The following ANAPC10 variants were observed in gnomAD, a reference collection of about 807,000 sequenced individuals.
The protein encoded by ANAPC10 is anaphase promoting complex subunit 10.
Under a neutral mutation model 22.0 loss-of-function variants are expected in ANAPC10, and 12 were observed. That is an observed-to-expected ratio of 0.55 (90% CI 0.35 to 0.88). The LOEUF (loss-of-function observed/expected upper bound fraction) is 0.88, where lower values mean the gene tolerates loss of function less well. ANAPC10 is among the 40% of genes least tolerant of loss of function. The pLI, the probability that ANAPC10 is intolerant of heterozygous loss-of-function variation, is 0.01. For missense variants in ANAPC10, 188 were observed against 220.9 expected (o/e 0.85, Z 0.94); for synonymous variants, 65 against 69.5 (o/e 0.94, Z 0.32).
In ANAPC10 at chr4:145,096,078, G is replaced by T. The variant is rs760042262; in HGVS notation, c.22C>A (p.Pro8Thr). ...AACTGCTTGGGGTCAGCACCAGGAG[G>T]TGTCTTGTTTGGTGTAGTCATTTTT... Reference protein sequence around the residue: MTTPNKTPPGADPKQLER... With the variant: MTTPNKTTPGADPKQLER... The change falls in exon 2 of 5, where the codon CCT (proline) becomes ACT (threonine). Residue 8 changes from proline to threonine, a missense_variant. Coordinates refer to ENST00000507656, the MANE Select transcript of ANAPC10 (RefSeq NM_001256706.2). 6.2e-7 allele frequency: 1 copy of T among 1,614,140 alleles called. No individual in the cohort carries two copies. Among genetic ancestry groups the T allele is most frequent in the South Asian group, 1.1e-5 (1 of 91,088 alleles).
In ANAPC10 at chr4:145,028,654, A is replaced by T. The variant is rs139379749; in HGVS notation, c.328-33051T>A. 4.4e-3 allele frequency among the ~76,000 whole-genome samples: 668 copies of T among 152,306 alleles called. 3 individuals carry two copies. Among genetic ancestry groups the T allele is most frequent in the African/African-American group, 0.015 (614 of 41,566 alleles). On this transcript the variant is annotated intron_variant, in intron 4 of 4. Coordinates refer to ENST00000507656, the MANE Select transcript of ANAPC10 (RefSeq NM_001256706.2). ...CCAAAACTGCTAAGGACTCTACTTCAAATAGTATGGAAAATACTGATAGTC... is the reference window on the plus strand; with the variant it reads ...CCAAAACTGCTAAGGACTCTACTTCTAATAGTATGGAAAATACTGATAGTC...
chr4:145,050,465 T>C (rs1161564783), intron 4 of ANAPC10, among the ~76,000 whole-genome samples: 2 of 152,228 alleles, frequency 1.3e-5, no homozygotes, highest in Non-Finnish European at 2.9e-5. Flanking sequence ...TTGAAGTCAC[T>C]AGCTGCATCA....
intron 4 of ANAPC10, among the ~76,000 whole-genome samples, chr4:145,032,512 C>T (rs1259858849): frequency 6.6e-6 from 1 of 152,188 alleles, no homozygotes; most frequent in East Asian, 1.9e-4. Flanking sequence ...AACAAGTGAC[C>T]TCAGCAAAGA....
At chr4:145,018,828 C>T (rs1735590796) in intron 4 of ANAPC10, among the ~76,000 whole-genome samples, 1 of 152,010 alleles carries the variant, frequency 6.6e-6, no homozygotes, top group Non-Finnish European at 1.5e-5. Context: ...AACGTTAAAG[C>T]AATGGCAGTT....
At chr4:145,003,750 C>T (rs1358347448) in intron 4 of ANAPC10, among the ~76,000 whole-genome samples, 1 of 151,890 alleles carries the variant, frequency 6.6e-6, no homozygotes, top group African/African-American at 2.4e-5. Flanking sequence ...TAGCCTTATA[C>T]TACAGTTTCA....
chr4:145,066,366 A>T (rs1182150608), intron 3 of ANAPC10, among the ~76,000 whole-genome samples: 1 of 152,156 alleles, frequency 6.6e-6, no homozygotes, highest in East Asian at 1.9e-4. Context: ...CAGGAGAGGA[A>T]GCAAAGAAGG....
At chr4:145,020,796 T>C (rs1286640831) in intron 4 of ANAPC10, among the ~76,000 whole-genome samples, 1 of 149,258 alleles carries the variant, frequency 6.7e-6, no homozygotes, top group Non-Finnish European at 1.5e-5. Context: ...AGCAACCAAC[T>C]AGAGAATCGA....
intron 2 of ANAPC10, among the ~76,000 whole-genome samples, 185 bp from the exon 3 acceptor site, chr4:145,081,935 C>T (rs6815519): frequency 0.33 from 50,495 of 151,954 alleles, 9,036 homozygotes; most frequent in Middle Eastern, 0.41. Flanking sequence ...GCCTCGAACT[C>T]CCAGCCTCAA....
intron 4 of ANAPC10, among the ~76,000 whole-genome samples, chr4:145,004,040 G>A (rs192154375): frequency 6.6e-6 from 1 of 151,776 alleles, no homozygotes; most frequent in Non-Finnish European, 1.5e-5. Flanking sequence ...GTAGTATCTT[G>A]TAATTCTCAT....
intron 4 of ANAPC10, among the ~76,000 whole-genome samples, chr4:145,043,750 G>A (rs1355352177): frequency 2.6e-5 from 4 of 152,016 alleles, no homozygotes; most frequent in African/African-American, 9.7e-5. Flanking sequence ...CCCTCCTACA[G>A]TATTACAAAT....
rs376111564 is a variant in ANAPC10 at position 145,072,062 on chromosome 4, C to G, written c.207-7370G>C. Among the ~76,000 whole-genome samples the G allele has an allele frequency of 1.1e-4, 17 of 152,058 alleles. No homozygotes were observed. The East Asian group carries it at 3.3e-3, about 29-fold the overall frequency. On this transcript the variant is annotated intron_variant, in intron 3 of 4. Coordinates refer to ENST00000507656, the MANE Select transcript of ANAPC10 (RefSeq NM_001256706.2). Reference sequence around the variant, plus strand: ...GGTAAGAGAAGCAAACTACACCCAACTTGCAACAAGCCCAAGTTTAGGGAG... The same window carrying G: ...GGTAAGAGAAGCAAACTACACCCAAGTTGCAACAAGCCCAAGTTTAGGGAG...
At chr4:145,003,470 T>C (rs1248515102) in intron 4 of ANAPC10, among the ~76,000 whole-genome samples, 1 of 152,208 alleles carries the variant, frequency 6.6e-6, no homozygotes, top group Non-Finnish European at 1.5e-5. Flanking sequence ...CTTTCCAAAA[T>C]GGCTGAACTA....
At chr4:145,001,036 G>C (rs1732463049) in intron 4 of ANAPC10, among the ~76,000 whole-genome samples, 1 of 152,066 alleles carries the variant, frequency 6.6e-6, no homozygotes, top group African/African-American at 2.4e-5. Flanking sequence ...GCCTGTCGTA[G>C]GGTGCAGGGC....
chr4:145,073,929 T>C (rs11936415), intron 3 of ANAPC10, among the ~76,000 whole-genome samples: 29,886 of 151,774 alleles, frequency 0.2, 3,417 homozygotes, highest in East Asian at 0.45. Context: ...CAAATTTTGC[T>C]TTGTTCCTAC....
chr4:145,058,714 A>G (rs1345591569), intron 4 of ANAPC10, among the ~76,000 whole-genome samples: 1 of 152,172 alleles, frequency 6.6e-6, no homozygotes, highest in Non-Finnish European at 1.5e-5. Context: ...AATATAGATG[A>G]TACTTCTTCT....
chr4:145,004,377 T>C (rs540437621), intron 4 of ANAPC10, among the ~76,000 whole-genome samples: 1 of 152,338 alleles, frequency 6.6e-6, no homozygotes, highest in South Asian at 2.1e-4. Flanking sequence ...TCCAGGACTA[T>C]GCTGAATAGG....
chr4:145,037,363 C>G (rs1241158261), intron 4 of ANAPC10, among the ~76,000 whole-genome samples: 5 of 151,852 alleles, frequency 3.3e-5, no homozygotes, highest in Admixed American at 6.6e-5. Flanking sequence ...ATTCTATTAC[C>G]ATAATTTTTT....
intron 4 of ANAPC10, among the ~76,000 whole-genome samples, chr4:145,037,448 G>A (rs1182975666): frequency 6.6e-6 from 1 of 151,928 alleles, no homozygotes; most frequent in Non-Finnish European, 1.5e-5. Context: ...AATAAATATT[G>A]AAAAGAAAGA....
chr4:145,015,589 C>A (rs1460848070), intron 4 of ANAPC10, among the ~76,000 whole-genome samples: 2 of 152,142 alleles, frequency 1.3e-5, no homozygotes, highest in Admixed American at 1.3e-4. Flanking sequence ...GCACAAAGAA[C>A]ACCTGGAAAA....
Sources: allele counts gnomAD v4.1 joint callset (sites outside exome capture counted in the v4.1 genomes callset), GRCh38; gene constraint gnomAD v4.1.1; transcripts MANE v1.5; gene names NCBI Gene and HGNC (gene_info 2026-07-23, HGNC 2026-07-21).